The following SRGAP3 variants were observed in gnomAD, a reference collection of about 807,000 sequenced individuals.
SRGAP3 encodes SLIT-ROBO Rho GTPase-activating protein 3.
In SRGAP3, 39 loss-of-function variants were observed where a neutral mutation model predicts 121.1. That is an observed-to-expected ratio of 0.32 (90% CI 0.25 to 0.42). SRGAP3 has a LOEUF of 0.42. SRGAP3 is among the 10% of genes least tolerant of loss of function. SRGAP3 has a pLI of 1.00. For missense variants in SRGAP3, 1,213 were observed against 1,470.6 expected (o/e 0.82, Z 2.86); for synonymous variants, 601 against 570.0 (o/e 1.05, Z -0.77).
In SRGAP3 at chr3:9,060,887, C is replaced by T. The variant is rs546734821; in HGVS notation, c.673-528G>A. 4.6e-5 allele frequency among the ~76,000 whole-genome samples: 7 copies of T among 152,248 alleles called. No individual in the cohort carries two copies. In the South Asian group the frequency reaches 8.3e-4, roughly 18 times the overall value. ...CACCTGCACCTTGCACCTGCACAGC[C>T]GATGAGGACACTAGATGAGCAGCAG... On this transcript the variant is annotated intron_variant, in intron 5 of 21. Coordinates refer to ENST00000383836, the MANE Select transcript of SRGAP3 (RefSeq NM_014850.4).
intron 3 of SRGAP3, among the ~76,000 whole-genome samples, chr3:9,282,027 C>A (rs1954689632): frequency 6.6e-6 from 1 of 152,186 alleles, no homozygotes; most frequent in Non-Finnish European, 1.5e-5. Flanking sequence ...GAAGGGAATT[C>A]AACTTTACCT....
chr3:9,034,266 G>C (rs1944641396), intron 11 of SRGAP3: 1 of 152,208 alleles, frequency 6.6e-6, no homozygotes, highest in Non-Finnish European at 1.5e-5. Flanking sequence ...TTTTCAAATG[G>C]CTTGGTTCAA....
chr3:9,099,479 C>T (rs1426474010), intron 3 of SRGAP3, among the ~76,000 whole-genome samples: 15 of 152,174 alleles, frequency 9.9e-5, no homozygotes, highest in African/African-American at 2.4e-5. Context: ...AAACGGTTAG[C>T]GGGGAGCAGG....
chr3:8,995,057 T>C (rs758696694), intron 18 of SRGAP3, among the ~76,000 whole-genome samples: 1 of 152,178 alleles, frequency 6.6e-6, no homozygotes, highest in Non-Finnish European at 1.5e-5. Context: ...CAAATCTATA[T>C]GTTGAAGCCC....
intron 2 of SRGAP3, among the ~76,000 whole-genome samples, chr3:9,122,622 T>C (rs1044474702): frequency 2.0e-5 from 3 of 151,346 alleles, no homozygotes; most frequent in African/African-American, 7.3e-5. Context: ...GGCAGGAGAA[T>C]TGCTTGAACC....
intron 3 of SRGAP3, among the ~76,000 whole-genome samples, chr3:9,299,102 C>T (rs1042390064): frequency 4.1e-5 from 6 of 147,494 alleles, no homozygotes; most frequent in Non-Finnish European, 7.4e-5. Flanking sequence ...GTGGCTCACA[C>T]CTGTAATCAC....
Position 9,058,255 on chromosome 3 carries a change from TC to T in SRGAP3, c.1018del (p.Asp340MetfsTer32). On this transcript the variant is annotated frameshift_variant, in exon 7 of 22. Coordinates refer to ENST00000383836, the MANE Select transcript of SRGAP3 (RefSeq NM_014850.4). LOFTEE classifies it high-confidence loss of function. The stretch of plus-strand genomic sequence containing the variant: ...GGGCTCCAGGAGGAAGCCTACCTCA[TC>T]CCCCATGTGGGGCTGGAACTCGAAC... ...LKFEFQPHMG[D>X]EVCQVSAQQP... 6.2e-7 allele frequency: 1 copy of T among 1,613,970 alleles called. No individual in the cohort carries two copies. Among genetic ancestry groups the T allele is most frequent in the Non-Finnish European group, 8.5e-7 (1 of 1,179,990 alleles).
chr3:9,008,438 A>T (rs1317718744), intron 18 of SRGAP3: 1 of 143,680 alleles, frequency 7.0e-6, no homozygotes, highest in Admixed American at 6.9e-5. Flanking sequence ...AAATGACAGG[A>T]GTAGGAGAGA....
intron 3 of SRGAP3, among the ~76,000 whole-genome samples, chr3:9,318,283 T>G (rs1955382018): frequency 6.6e-6 from 1 of 150,988 alleles, no homozygotes; most frequent in African/African-American, 2.4e-5. Context: ...CAGCACCCTT[T>G]CTGGGCCACA....
At chr3:9,037,198 T>C (rs1011056059) in intron 11 of SRGAP3, 1 of 152,190 alleles carries the variant, frequency 6.6e-6, no homozygotes, top group Non-Finnish European at 1.5e-5. Context: ...GCCCAGAAAG[T>C]GAGGCAAAAA....
chr3:9,116,806 G>T (rs1385335425), intron 2 of SRGAP3, among the ~76,000 whole-genome samples: 1 of 152,208 alleles, frequency 6.6e-6, no homozygotes, highest in African/African-American at 2.4e-5. Flanking sequence ...CCACTCACCT[G>T]TGCTAGCTAT....
chr3:8,989,698 C>A (rs1307161602), intron 21 of SRGAP3, among the ~76,000 whole-genome samples: 22 of 152,154 alleles, frequency 1.4e-4, no homozygotes. Flanking sequence ...CCCATGAAAC[C>A]GGCTATGCAA....
In SRGAP3 at chr3:9,075,947, G is replaced by A. The variant is rs141654939; in HGVS notation, c.486+4078C>T. 5.9e-4 allele frequency among the ~76,000 whole-genome samples: 90 copies of A among 152,298 alleles called. 1 individual carries two copies. In the East Asian group the frequency reaches 0.017, roughly 28 times the overall value. Reference sequence around the variant, plus strand: ...GAGGATTGTGATCATTACTGGCATGGCTGCAGGCATGGCCCTTTGCATTGT... The same window carrying A: ...GAGGATTGTGATCATTACTGGCATGACTGCAGGCATGGCCCTTTGCATTGT... On this transcript the variant is annotated intron_variant, in intron 4 of 21. Coordinates refer to ENST00000383836, the MANE Select transcript of SRGAP3 (RefSeq NM_014850.4).
In SRGAP3 at chr3:9,177,592, G is replaced by T. The variant is rs887856422; in HGVS notation, c.68-52675C>A. Among the ~76,000 whole-genome samples the T allele has an allele frequency of 3.3e-5, 5 of 152,134 alleles. No homozygotes were observed. In the South Asian group the frequency reaches 1.0e-3, roughly 32 times the overall value. On this transcript the variant is annotated intron_variant, in intron 1 of 21. Transcript: ENST00000383836. ...CATGATCTTAATACAGTTGAGAGGA[G>T]CTCCACTGTCAGGGGCCCAAGTCCC...
At chr3:9,270,494 C>G (rs771168226) in intron 3 of SRGAP3, among the ~76,000 whole-genome samples, 9 of 152,048 alleles carry the variant, frequency 5.9e-5, no homozygotes, top group Non-Finnish European at 1.2e-4. Flanking sequence ...TGGTAGTTAC[C>G]CAAGTGCATA....
Position 9,183,767 on chromosome 3 carries a change from A to AACACAC in SRGAP3, c.68-58856_68-58851dup, listed in dbSNP as rs62971361. Reference sequence around the variant, plus strand: ...TATAGTACTAAAACACAAATTTGCTAACACACACACACACACACACACACA... The same window carrying AACACAC: ...TATAGTACTAAAACACAAATTTGCTAACACACACACACACACACACACACACACACA... On this transcript the variant is annotated intron_variant, in intron 1 of 21. Coordinates refer to ENST00000383836, the MANE Select transcript of SRGAP3 (RefSeq NM_014850.4). Among the ~76,000 whole-genome samples, 202 of 148,258 alleles carry AACACAC rather than the reference A, an allele frequency of 1.4e-3. 2 individuals are homozygous for AACACAC. The highest frequency in any genetic ancestry group is 4.7e-3 in the African/African-American group (189 of 40,208).
At chr3:9,278,081 C>T (rs1034661357) in intron 3 of SRGAP3, among the ~76,000 whole-genome samples, 3 of 152,182 alleles carry the variant, frequency 2.0e-5, no homozygotes, top group African/African-American at 7.2e-5. Context: ...GCCTAAGGAG[C>T]TATGAGAAAT....
At chr3:9,215,357 G>C (rs1224235964) in intron 1 of SRGAP3, among the ~76,000 whole-genome samples, 1 of 116,062 alleles carries the variant, frequency 8.6e-6, no homozygotes, top group Non-Finnish European at 1.8e-5. Flanking sequence ...TACAGATGGG[G>C]CCCAGAGGTG....
In SRGAP3 at chr3:8,990,592, A is replaced by G. The variant is rs981449970; in HGVS notation, c.2806T>C (p.Ser936Pro). The G allele has an allele frequency of 1.9e-6, 3 of 1,602,806 alleles. No individual in the cohort carries two copies. Among genetic ancestry groups the G allele is most frequent in the Non-Finnish European group, 2.6e-6 (3 of 1,175,232 alleles). ...PDKKALSEGH[S>P]MRSTCGSTRH... ...GTGGAACCGCAGGTCGACCTCATCG[A>G]GTGCCCTTCGGAGAGCGCCTTCTTG... The change falls in exon 21 of 22, where the codon TCG (serine) becomes CCG (proline). Residue 936 changes from serine to proline, a missense_variant. This residue lies in a region of SRGAP3 where 420 missense variants were observed against 437.7 expected (regional missense o/e 0.96). Coordinates refer to ENST00000383836, the MANE Select transcript of SRGAP3 (RefSeq NM_014850.4).
Sources: allele counts gnomAD v4.1 joint callset (sites outside exome capture counted in the v4.1 genomes callset), GRCh38; gene constraint gnomAD v4.1.1; regional missense constraint gnomAD v4.1.1; transcripts MANE v1.5; gene names NCBI Gene and HGNC (gene_info 2026-07-23, HGNC 2026-07-21).